Variants in SORCS3 observed in about 807,000 individuals in gnomAD.
The protein encoded by SORCS3 is sortilin related VPS10 domain containing receptor 3.
In SORCS3, 57 loss-of-function variants were observed where a neutral mutation model predicts 146.3. The ratio of observed to expected loss-of-function variants is 0.39; its 90% CI spans 0.31 to 0.49. The LOEUF (loss-of-function observed/expected upper bound fraction) is 0.49. Ranked by LOEUF, SORCS3 falls within the 20% of genes least tolerant of loss-of-function variation. The probability of loss-of-function intolerance (pLI) is 0.92; values close to 1 mark genes in which losing one functional copy is unlikely to be tolerated. For missense variants in SORCS3, 1,341 were observed against 1,575.5 expected, an observed-to-expected ratio of 0.85 and a Z score of 2.52; for synonymous variants, 653 against 618.5, an observed-to-expected ratio of 1.06 and a Z score of -0.83.
chr10:104,893,045 T>A (rs2018764076), intron 2 of SORCS3, among the ~76,000 whole-genome samples: 1 of 152,176 alleles, frequency 6.6e-6, no homozygotes, highest in Admixed American at 6.5e-5. Context: ...GGAGCTACCC[T>A]CTCTCAGTCT....
chr10:105,122,260 T>C (rs1321038512), intron 7 of SORCS3, among the ~76,000 whole-genome samples: 4 of 152,240 alleles, frequency 2.6e-5, no homozygotes, highest in Non-Finnish European at 5.9e-5. Flanking sequence ...AAAATTTTAA[T>C]CACTCTGCCT....
At position 104,871,184 on chromosome 10, in the gene SORCS3, A is replaced by G. The variant is rs529256952; in HGVS notation, c.695+28325A>G. 4.6e-5 allele frequency among the ~76,000 whole-genome samples: 7 copies of G among 152,358 alleles called. No homozygotes were observed. In the East Asian group the frequency reaches 1.4e-3, roughly 29 times the overall value. The stretch of plus-strand genomic sequence containing the variant: ...GTGGGTTAACTTTTTAAATTCTCAC[A>G]GTAATCCAAGAGGTGAGTATTTGAA... On this transcript the variant is annotated intron_variant, in intron 2 of 26. Coordinates refer to ENST00000369701, the MANE Select transcript of SORCS3 (RefSeq NM_014978.3).
chr10:105,109,669 C>A (rs2055846339), intron 7 of SORCS3, among the ~76,000 whole-genome samples: 1 of 151,916 alleles, frequency 6.6e-6, no homozygotes, highest in South Asian at 2.1e-4. Flanking sequence ...CTATTCAGAC[C>A]AGTCTCATAT....
intron 20 of SORCS3, among the ~76,000 whole-genome samples, chr10:105,242,539 T>TTTATATAC (rs2056835415): frequency 6.5e-5 from 5 of 77,344 alleles, no homozygotes; most frequent in Non-Finnish European, 1.1e-4. Context: ...TATTTATATA[T>TTTATATAC]ATTTATATAT....
At chr10:105,227,985 T>TTGTG (rs59033040) in intron 20 of SORCS3, among the ~76,000 whole-genome samples, 2,382 of 128,876 alleles carry the variant, frequency 0.018, 48 homozygotes, top group African/African-American at 0.037. Flanking sequence ...TGTGGTCATT[T>TTGTG]TGTGTGTGTG....
At chr10:104,650,919 A>G (rs1036022256) in intron 1 of SORCS3, among the ~76,000 whole-genome samples, 1 of 152,152 alleles carries the variant, frequency 6.6e-6, no homozygotes, top group Non-Finnish European at 1.5e-5. Context: ...CAGGTTACAG[A>G]TTACACTGCT....
chr10:105,055,114 A>C (rs949260269), intron 5 of SORCS3, among the ~76,000 whole-genome samples: 3 of 152,096 alleles, frequency 2.0e-5, no homozygotes, highest in African/African-American at 7.2e-5. Context: ...GTTCCTTAGT[A>C]AAGTTTTCTT....
At chr10:104,770,984 C>T (rs1482498791) in intron 1 of SORCS3, among the ~76,000 whole-genome samples, 1 of 152,178 alleles carries the variant, frequency 6.6e-6, no homozygotes, top group Non-Finnish European at 1.5e-5. Context: ...TTCTAAACTG[C>T]CACTATGCCT....
chr10:105,055,712 C>G (rs73340298), intron 5 of SORCS3, among the ~76,000 whole-genome samples: 8,968 of 152,202 alleles, frequency 0.059, 285 homozygotes, highest in Middle Eastern at 0.088. Flanking sequence ...AGCATCTGCA[C>G]TTTTTTTCAA....
chr10:104,956,866 T>C (rs2019498255), intron 3 of SORCS3, among the ~76,000 whole-genome samples: 1 of 152,192 alleles, frequency 6.6e-6, no homozygotes, highest in Non-Finnish European at 1.5e-5. Flanking sequence ...TTATTCTGTG[T>C]AATTTTGTTA....
At chr10:105,195,113 TC>T (rs2056536881) in intron 14 of SORCS3, among the ~76,000 whole-genome samples, 1 of 152,210 alleles carries the variant, frequency 6.6e-6, no homozygotes, top group Non-Finnish European at 1.5e-5. Flanking sequence ...TGCCTTTGGT[TC>T]TTCCATCCTA....
rs900683596 is a variant in SORCS3 at position 104,641,681 on chromosome 10, C to T, written c.354C>T (p.Gly118=). 6 of 1,526,948 alleles carry T rather than the reference C, an allele frequency of 3.9e-6. No homozygotes were observed. In the African/African-American group the frequency reaches 8.3e-5, roughly 21 times the overall value. 94.6% of individuals were successfully genotyped at this position (1,526,948 alleles called of 1,614,324 possible). A position where few individuals can be genotyped will look rare whatever the true frequency, so the allele number is the denominator to read the frequency against. ...CGGCAGGCGAGCGGCGGGGCCGGGG[C>T]ATCCCAGCTCCTGCCAAGCTTGGCG... The part of the protein sequence containing the change: ...TSPAGERRGR[G]IPAPAKLGGA... The change falls in exon 1 of 27, where the codon GGC becomes GGT. Residue 118 remains glycine, a synonymous_variant. Coordinates refer to ENST00000369701, the MANE Select transcript of SORCS3 (RefSeq NM_014978.3). This position sits in a 1 kb window ranked among gnomAD's most constrained non-coding sequence, Gnocchi z 6.4.
At chr10:105,084,031 C>A (rs1317661617) in intron 5 of SORCS3, among the ~76,000 whole-genome samples, 1 of 152,178 alleles carries the variant, frequency 6.6e-6, no homozygotes, top group Non-Finnish European at 1.5e-5. Flanking sequence ...GGCTACATGT[C>A]TTTGGGCAAG....
intron 2 of SORCS3, among the ~76,000 whole-genome samples, chr10:104,887,302 G>A (rs1341862574): frequency 2.0e-5 from 3 of 152,108 alleles, no homozygotes; most frequent in Non-Finnish European, 2.9e-5. Flanking sequence ...AAAGAGCTGG[G>A]CAGAGAGGAG....
intron 1 of SORCS3, among the ~76,000 whole-genome samples, chr10:104,803,888 A>T (rs1333849796): frequency 1.3e-5 from 2 of 152,016 alleles, no homozygotes; most frequent in South Asian, 2.1e-4. Context: ...GACTAAATTT[A>T]CTGCTGTCAC....
intron 1 of SORCS3, among the ~76,000 whole-genome samples, chr10:104,661,206 G>T (rs796648642): frequency 3.9e-5 from 6 of 152,086 alleles, no homozygotes; most frequent in African/African-American, 1.4e-4. Flanking sequence ...CTCCTGTTCC[G>T]TCTCTAACCA....
rs141819770 is a variant in SORCS3 at position 104,961,574 on chromosome 10, A to T, written c.796-15761A>T. Reference sequence around the variant, plus strand: ...GGAAATAAATATCTGGTTAAAAAATAATGTGGCCACCAATTTGTTAAATTT... The same window carrying T: ...GGAAATAAATATCTGGTTAAAAAATTATGTGGCCACCAATTTGTTAAATTT... On this transcript the variant is annotated intron_variant, in intron 3 of 26. Coordinates refer to ENST00000369701, the MANE Select transcript of SORCS3 (RefSeq NM_014978.3). Among the ~76,000 whole-genome samples, 56 of 152,322 alleles carry T rather than the reference A, an allele frequency of 3.7e-4. No homozygotes were observed. In the East Asian group the frequency reaches 0.01, roughly 28 times the overall value.
At chr10:104,773,574 A>C (rs979260577) in intron 1 of SORCS3, among the ~76,000 whole-genome samples, 1 of 152,214 alleles carries the variant, frequency 6.6e-6, no homozygotes, top group East Asian at 1.9e-4. Flanking sequence ...ACGCAGGGCT[A>C]AGCATACAGA....
intron 16 of SORCS3, among the ~76,000 whole-genome samples, chr10:105,205,207 G>A (rs1008829642): frequency 5.9e-5 from 9 of 152,144 alleles, no homozygotes; most frequent in African/African-American, 2.2e-4. Context: ...TGGGAAGGAT[G>A]AATTAAAGTC....
Sources: allele counts gnomAD v4.1 joint callset (sites outside exome capture counted in the v4.1 genomes callset), GRCh38; gene constraint gnomAD v4.1.1; non-coding constraint Gnocchi (gnomAD v3.1); transcripts MANE v1.5; gene names NCBI Gene and HGNC (gene_info 2026-07-23, HGNC 2026-07-21).